The following CADM2 variants were observed in gnomAD, a reference collection of about 807,000 sequenced individuals.
The protein encoded by CADM2 is immunoglobulin superfamily member 4D.
Under a neutral mutation model 49.8 loss-of-function variants are expected in CADM2, and 12 were observed. That is an observed-to-expected ratio of 0.24 (90% CI 0.15 to 0.39). The LOEUF is 0.39. CADM2 is among the 10% of genes least tolerant of loss of function. CADM2 has a pLI of 1.00. For missense variants in CADM2, 378 were observed against 492.3 expected (o/e 0.77, Z 2.20); for synonymous variants, 214 against 175.4 (o/e 1.22, Z -1.74).
chr3:85,043,604 T>C (rs1313369616), intron 1 of CADM2, among the ~76,000 whole-genome samples: 2 of 152,060 alleles, frequency 1.3e-5, no homozygotes, highest in African/African-American at 4.8e-5. Flanking sequence ...TCTTGAGTTC[T>C]GGAATTTGAG....
chr3:85,250,679 T>A (rs536978376), intron 1 of CADM2, among the ~76,000 whole-genome samples: 1 of 151,814 alleles, frequency 6.6e-6, no homozygotes, highest in Non-Finnish European at 1.5e-5. Context: ...AAATGGTAAG[T>A]TAAATACAAA....
chr3:85,163,965 A>G (rs1346631117), intron 1 of CADM2, among the ~76,000 whole-genome samples: 1 of 152,002 alleles, frequency 6.6e-6, no homozygotes, highest in Admixed American at 6.6e-5. Context: ...CCCCCAGGCA[A>G]TTATTTGTCT....
intron 8 of CADM2, among the ~76,000 whole-genome samples, chr3:86,037,932 T>C (rs777303070): frequency 6.6e-6 from 1 of 152,120 alleles, no homozygotes; most frequent in African/African-American, 2.4e-5. Context: ...ACCCATCACT[T>C]AGGTTTTAAA....
chr3:85,187,613 CA>C (rs1257693784), intron 1 of CADM2, among the ~76,000 whole-genome samples: 1 of 151,950 alleles, frequency 6.6e-6, no homozygotes, highest in East Asian at 1.9e-4. Flanking sequence ...AGGTAAATTG[CA>C]ATTGGCAATT....
chr3:85,501,792 A>G (rs1339838081), intron 1 of CADM2, among the ~76,000 whole-genome samples: 1 of 152,138 alleles, frequency 6.6e-6, no homozygotes, highest in African/African-American at 2.4e-5. Context: ...CAATGAGAAC[A>G]TGCTCTTGGG....
intron 3 of CADM2, among the ~76,000 whole-genome samples, chr3:85,881,122 G>C (rs1712695809): frequency 6.6e-6 from 1 of 151,988 alleles, no homozygotes; most frequent in South Asian, 2.1e-4. Flanking sequence ...TTCAGATTGG[G>C]TGAATTCTAT....
chr3:85,917,776 G>T (rs145195131), intron 6 of CADM2, among the ~76,000 whole-genome samples: 4 of 151,978 alleles, frequency 2.6e-5, no homozygotes, highest in South Asian at 2.1e-4. Context: ...CCATTTTCAC[G>T]ATATTGATTC....
chr3:85,328,900 C>CA (rs11459054), intron 1 of CADM2, among the ~76,000 whole-genome samples: 83,632 of 137,218 alleles, frequency 0.61, 25,172 homozygotes, highest in African/African-American at 0.68. Flanking sequence ...TGTCTTCCCT[C>CA]AAAAAAAAAA....
intron 1 of CADM2, among the ~76,000 whole-genome samples, chr3:85,109,148 T>G (rs1000239661): frequency 9.9e-5 from 15 of 151,960 alleles, no homozygotes; most frequent in African/African-American, 3.6e-4. Flanking sequence ...TATAATATAG[T>G]TACTTAAAAA....
At chr3:85,821,453 C>CA (rs1205418492) in intron 3 of CADM2, among the ~76,000 whole-genome samples, 1 of 152,128 alleles carries the variant, frequency 6.6e-6, no homozygotes, top group Non-Finnish European at 1.5e-5. Context: ...CTGAAGAAAA[C>CA]AAAGTGGAAA....
chr3:85,894,784 A>T (rs894249902), intron 5 of CADM2, among the ~76,000 whole-genome samples: 1 of 152,164 alleles, frequency 6.6e-6, no homozygotes, highest in Non-Finnish European at 1.5e-5. Context: ...ACAGCTCAGG[A>T]TGCTGCTTCA....
chr3:85,838,848 A>G (rs1476962057), intron 3 of CADM2, among the ~76,000 whole-genome samples: 2 of 151,830 alleles, frequency 1.3e-5, no homozygotes, highest in African/African-American at 2.4e-5. Context: ...GATGATTCAA[A>G]GGTTAATAAA....
chr3:85,950,337 T>C (rs1430457534), intron 7 of CADM2, among the ~76,000 whole-genome samples: 1 of 151,192 alleles, frequency 6.6e-6, no homozygotes, highest in African/African-American at 2.4e-5. Flanking sequence ...AGCTTAGGCA[T>C]TTGTCACAAT....
intron 1 of CADM2, among the ~76,000 whole-genome samples, chr3:85,414,022 G>A (rs769250289): frequency 3.3e-5 from 5 of 152,008 alleles, no homozygotes; most frequent in Non-Finnish European, 5.9e-5. Flanking sequence ...GTGCCACCAC[G>A]CTCAGCTAAT....
At chr3:84,996,766 A>T (rs1285096903) in intron 1 of CADM2, among the ~76,000 whole-genome samples, 1 of 152,132 alleles carries the variant, frequency 6.6e-6, no homozygotes. Context: ...TAATTTACAA[A>T]ATCAGGATCA....
intron 1 of CADM2, among the ~76,000 whole-genome samples, chr3:85,553,576 A>G (rs2061872526): frequency 6.6e-6 from 1 of 152,216 alleles, no homozygotes; most frequent in Non-Finnish European, 1.5e-5. Context: ...ACTTCTAATT[A>G]TAATATCTTC....
chr3:85,610,672 C>A lies in CADM2; in HGVS notation c.62-115850C>A, dbSNP rs184390350. Among the ~76,000 whole-genome samples the A allele has an allele frequency of 2.6e-5, 4 of 152,026 alleles. No individual in the cohort carries two copies. In the East Asian group the frequency reaches 7.7e-4, roughly 29 times the overall value. On this transcript the variant is annotated intron_variant, in intron 1 of 9. Transcript: ENST00000383699. ...ATTAAACTCAAATAATCTCACTGTA[C>A]TGACTATGCTCTTAACCACTTCATT...
chr3:85,383,535 T>TATATATAC (rs1331859901), intron 1 of CADM2, among the ~76,000 whole-genome samples: 9 of 145,792 alleles, frequency 6.2e-5, no homozygotes, highest in African/African-American at 2.0e-4. Context: ...TATATATATA[T>TATATATAC]ATACATATAT....
At chr3:85,390,731 C>T (rs967262143) in intron 1 of CADM2, among the ~76,000 whole-genome samples, 3 of 152,152 alleles carry the variant, frequency 2.0e-5, no homozygotes, top group Non-Finnish European at 2.9e-5. Context: ...ATAATCTCTG[C>T]TCTACTGCCT....
Sources: gnomAD v4.1 joint callset for allele counts (sites outside exome capture counted in the v4.1 genomes callset) on GRCh38, gnomAD v4.1.1 for gene constraint, MANE v1.5 for transcripts, NCBI Gene and HGNC (gene_info 2026-07-23, HGNC 2026-07-21) for gene names.